MICU1: variants seen among roughly 807,000 people sequenced by gnomAD.
MICU1 encodes calcium uptake protein 1, mitochondrial.
Under a neutral mutation model 56.8 loss-of-function variants are expected in MICU1, and 45 were observed. The ratio of observed to expected loss-of-function variants is 0.79; its 90% CI spans 0.62 to 1.02. The LOEUF (loss-of-function observed/expected upper bound fraction) is 1.02, where lower values mean the gene tolerates loss of function less well. Ranked by LOEUF, MICU1 falls within the 50% of genes least tolerant of loss-of-function variation. The probability of loss-of-function intolerance (pLI) is 0.00; values close to 1 mark genes in which losing one functional copy is unlikely to be tolerated. For missense variants in MICU1, 504 were observed against 587.1 expected (o/e 0.86, Z 1.46); for synonymous variants, 186 against 195.1 (o/e 0.95, Z 0.39).
At chr10:72,454,709 G>A (rs1347678967) in intron 8 of MICU1, among the ~76,000 whole-genome samples, 1 of 150,734 alleles carries the variant, frequency 6.6e-6, no homozygotes, top group African/African-American at 2.4e-5. Context: ...CTTGAACTTG[G>A]GAGGCAAAGG....
chr10:72,607,637 CAAAAA>C (rs368820136), intron 1 of MICU1, among the ~76,000 whole-genome samples: 2 of 59,910 alleles, frequency 3.3e-5, no homozygotes, highest in Admixed American at 2.0e-4. Context: ...AACTCCATCT[CAAAAA>C]AAAAAAAAAA....
At chr10:72,580,898 G>T (rs1840882147) in intron 1 of MICU1, among the ~76,000 whole-genome samples, 1 of 152,106 alleles carries the variant, frequency 6.6e-6, no homozygotes, top group Admixed American at 6.6e-5. Context: ...AAATATTCCA[G>T]AAGTTTCATC....
chr10:72,598,400 C>T (rs900847092), intron 1 of MICU1, among the ~76,000 whole-genome samples: 4 of 151,992 alleles, frequency 2.6e-5, no homozygotes, highest in East Asian at 1.9e-4. Flanking sequence ...AGACTACAGG[C>T]GCCCGCCACC....
chr10:72,609,843 G>C (rs1486390711), intron 1 of MICU1, among the ~76,000 whole-genome samples: 3 of 151,506 alleles, frequency 2.0e-5, no homozygotes, highest in Non-Finnish European at 4.4e-5. Context: ...AGACCAGCCT[G>C]GCTAAGATGG....
At chr10:72,471,233 C>T (rs1240263333) in intron 8 of MICU1, among the ~76,000 whole-genome samples, 8 of 152,258 alleles carry the variant, frequency 5.3e-5, no homozygotes, top group African/African-American at 1.9e-4. Context: ...TACAGGCACG[C>T]GCCACCATGC....
chr10:72,387,784 A>G (rs1429891635), intron 10 of MICU1, among the ~76,000 whole-genome samples: 4 of 137,684 alleles, frequency 2.9e-5, no homozygotes, highest in Admixed American at 7.2e-5. Context: ...TTTTTTTTTT[A>G]AGGATGATTT....
At chr10:72,506,898 G>GGTACTGCTC (rs1343692279) in intron 6 of MICU1, among the ~76,000 whole-genome samples, 1 of 151,970 alleles carries the variant, frequency 6.6e-6, no homozygotes, top group Non-Finnish European at 1.5e-5. Context: ...TCATTGCCAG[G>GGTACTGCTC]GTACTGCTCC....
At chr10:72,593,362 G>A (rs1254564174) in intron 1 of MICU1, among the ~76,000 whole-genome samples, 5 of 152,154 alleles carry the variant, frequency 3.3e-5, no homozygotes, top group Non-Finnish European at 4.4e-5. Flanking sequence ...CACTTTGGGA[G>A]GCTTAGGCAG....
At chr10:72,393,868 C>T (rs1053659500) in intron 10 of MICU1, among the ~76,000 whole-genome samples, 3 of 152,120 alleles carry the variant, frequency 2.0e-5, no homozygotes, top group Admixed American at 1.3e-4. Context: ...CTGGTTCAAG[C>T]GATTCTCCTG....
intron 5 of MICU1, among the ~76,000 whole-genome samples, chr10:72,530,542 T>C (rs1839450957): frequency 6.6e-6 from 1 of 152,104 alleles, no homozygotes; most frequent in Non-Finnish European, 1.5e-5. Context: ...CGAAACATAT[T>C]CTTAAAACCA....
intron 10 of MICU1, among the ~76,000 whole-genome samples, chr10:72,402,276 G>A (rs1026408924): frequency 7.2e-5 from 11 of 152,134 alleles, no homozygotes; most frequent in African/African-American, 2.4e-4. Context: ...CCCTGTCCCC[G>A]ATTCCATGGC....
At chr10:72,386,892 T>C (rs1862911569) in intron 10 of MICU1, among the ~76,000 whole-genome samples, 1 of 152,158 alleles carries the variant, frequency 6.6e-6, no homozygotes, top group Non-Finnish European at 1.5e-5. Context: ...CTGTTTTACC[T>C]ACTATACCAA....
At chr10:72,396,549 C>T (rs774919456) in intron 10 of MICU1, among the ~76,000 whole-genome samples, 7 of 152,230 alleles carry the variant, frequency 4.6e-5, no homozygotes, top group Admixed American at 1.3e-4. Context: ...AAAGATTAGA[C>T]GAATGGCTAA....
chr10:72,403,659 G>T (rs1043780164), intron 10 of MICU1, among the ~76,000 whole-genome samples: 2 of 151,182 alleles, frequency 1.3e-5, no homozygotes, highest in African/African-American at 4.9e-5. Context: ...GTGTGTGTGT[G>T]TGTGTGTGTG....
At chr10:72,540,550 C>A (rs189373631) in intron 4 of MICU1, among the ~76,000 whole-genome samples, 303 of 152,200 alleles carry the variant, frequency 2.0e-3, no homozygotes, top group African/African-American at 7.0e-3. Context: ...ACGGTACACA[C>A]CTGTAGTCCT....
At chr10:72,400,426 G>T (rs972374437) in intron 10 of MICU1, among the ~76,000 whole-genome samples, 2 of 152,082 alleles carry the variant, frequency 1.3e-5, no homozygotes, top group Admixed American at 6.6e-5. Flanking sequence ...AAAATAAAGA[G>T]GAACTTATTA....
At chr10:72,602,044 C>T (rs1449571714) in intron 1 of MICU1, among the ~76,000 whole-genome samples, 1 of 151,328 alleles carries the variant, frequency 6.6e-6, no homozygotes, top group Non-Finnish European at 1.5e-5. Context: ...GTGATCAACC[C>T]ACCTTGGCCT....
chr10:72,449,164 G>A (rs1337213098), intron 8 of MICU1, among the ~76,000 whole-genome samples: 2 of 152,178 alleles, frequency 1.3e-5, no homozygotes, highest in Non-Finnish European at 2.9e-5. Context: ...TTGGGAGGCT[G>A]AGGCGGGCAG....
chr10:72,485,270 G>C (rs1368860992), intron 6 of MICU1, among the ~76,000 whole-genome samples: 1 of 151,748 alleles, frequency 6.6e-6, no homozygotes, highest in Admixed American at 6.6e-5. Context: ...TTTAAACAGG[G>C]GCTTGCTATG....
Sources: allele counts gnomAD v4.1 joint callset (sites outside exome capture counted in the v4.1 genomes callset), GRCh38; gene constraint gnomAD v4.1.1; transcripts MANE v1.5; gene names NCBI Gene and HGNC (gene_info 2026-07-23, HGNC 2026-07-21).